Variants in DNAAF8 observed in about 807,000 individuals in gnomAD.
DNAAF8 encodes the protein dynein axonemal assembly factor 8.
In DNAAF8, 61 loss-of-function variants were observed where a neutral mutation model predicts 54.6. The observed-to-expected ratio is 1.12, with a 90% confidence interval of 0.91 to 1.38. The LOEUF (loss-of-function observed/expected upper bound fraction) is 1.38. Ranked by LOEUF, DNAAF8 falls within the 40% of genes most tolerant of loss-of-function variation. The pLI, the probability that DNAAF8 is intolerant of heterozygous loss-of-function variation, is 0.00. For synonymous variants in DNAAF8, 320 were observed against 270.1 expected, an observed-to-expected ratio of 1.18 and a Z score of -1.81; for missense variants, 837 against 665.0, an observed-to-expected ratio of 1.26 and a Z score of -2.85.
At chr16:4,736,747 G>A in intron 2 of DNAAF8, 104 bp downstream of exon 2, 1 of 1,223,310 alleles carries the variant, frequency 8.2e-7, no homozygotes, top group Non-Finnish European at 1.1e-6. Context: ...TTTTCCTGCT[G>A]ACCTGTGCAG....
At chr16:4,748,098 G>A (rs1486431900) in intron 9 of DNAAF8, 1 of 154,668 alleles carries the variant, frequency 6.5e-6, no homozygotes, top group East Asian at 1.9e-4. Context: ...TGCTATTTTG[G>A]GCACCTAAAT....
intron 4 of DNAAF8, among the ~76,000 whole-genome samples, chr16:4,741,233 CAAAA>C (rs756159698): frequency 0.084 from 5,918 of 70,774 alleles, 352 homozygotes; most frequent in African/African-American, 0.25. Context: ...GACTCCATCT[CAAAA>C]AAAAAAAAAA....
In DNAAF8 at chr16:4,747,436, G is replaced by A. The variant is rs151153820; in HGVS notation, c.1374G>A (p.Ala458=). 436 of 1,613,080 alleles carry A rather than the reference G, an allele frequency of 2.7e-4. 1 individual carries two copies. The highest frequency in any genetic ancestry group is 1.2e-3 in the Admixed American group (74 of 60,026). Residue 458 remains alanine, a synonymous_variant, in exon 9 of 10, where the codon GCG becomes GCA. Coordinates refer to ENST00000299320, the MANE Select transcript of DNAAF8 (RefSeq NM_139170.3). ...AGCTGCCTGCCAGCAAGGGGCCCGC[G>A]GGTGGGAGGGCTCAGGCCCCTGAAG... ...QPELPASKGP[A]GGRAQAPEDT...
chr16:4,746,512 G>C lies in DNAAF8; in HGVS notation c.1181G>C (p.Ser394Thr). Reference protein sequence around the residue: ...MELPDHLSPESSSHSSSDSEE... With the variant: ...MELPDHLSPETSSHSSSDSEE... ...CTACCAGACCACCTGTCCCCAGAAA[G>C]GTCCGGAGGGCAGTGACTACCCCAT... Residue 394 changes from serine to threonine, a missense_variant and splice_region_variant, in exon 7 of 10, where the codon AGC (serine) becomes ACC (threonine). Coordinates refer to ENST00000299320, the MANE Select transcript of DNAAF8 (RefSeq NM_139170.3). 1 of 1,612,916 alleles carries C rather than the reference G, an allele frequency of 6.2e-7. No homozygotes were observed. The highest frequency in any genetic ancestry group is 2.2e-5 in the East Asian group (1 of 44,890).
rs148678041 is a variant in DNAAF8, at chr16:4,747,410, G to C, written c.1348G>C (p.Glu450Gln). 31 of 1,612,678 alleles carry C rather than the reference G, an allele frequency of 1.9e-5. No individual in the cohort carries two copies. The African/African-American group carries it at 3.9e-4, about 20-fold the overall frequency. ...RAFQKGTAQP[E>Q]LPASKGPAGG... ...CTTTCAGAAGGGGACAGCCCAGCCC[G>C]AGCTGCCTGCCAGCAAGGGGCCCGC... Residue 450 changes from glutamate (E) to glutamine (Q), a missense_variant, in exon 9 of 10, where the codon GAG becomes CAG. By Grantham distance (29) the Glu-to-Gln change is conservative. Transcript: ENST00000299320.
chr16:4,736,663 C>G lies in DNAAF8; in HGVS notation c.129+20C>G. ...CCTTTGGTAAGCAAGAACTCTCTCC[C>G]TGGATGCCTTGTCCTTCCTACCAGA... On this transcript the variant is annotated intron_variant, in intron 2 of 9. Coordinates refer to ENST00000299320, the MANE Select transcript of DNAAF8 (RefSeq NM_139170.3). 1 of 1,539,436 alleles carries G rather than the reference C, an allele frequency of 6.5e-7. No homozygotes were observed. Among genetic ancestry groups the G allele is most frequent in the Non-Finnish European group, 8.8e-7 (1 of 1,139,538 alleles).
Position 4,736,454 on chromosome 16 carries a change from T to G in DNAAF8, c.-51-10T>G. 2 of 1,417,802 alleles carry G rather than the reference T, an allele frequency of 1.4e-6. No individual in the cohort carries two copies. Among genetic ancestry groups the G allele is most frequent in the Non-Finnish European group, 1.9e-6 (2 of 1,071,862 alleles). 87.8% of individuals were successfully genotyped at this position (1,417,802 alleles called of 1,614,324 possible). A position where few individuals can be genotyped will look rare whatever the true frequency, so the allele number is the denominator to read the frequency against. ...CCGGACCCTCTTCCATCACCCTGTGTACCCCACAGAGCTCCCCGGATTATG... is the reference window on the plus strand; with the variant it reads ...CCGGACCCTCTTCCATCACCCTGTGGACCCCACAGAGCTCCCCGGATTATG... On this transcript the variant is annotated splice_polypyrimidine_tract_variant and intron_variant, in intron 1 of 9. Transcript: ENST00000299320.
intron 4 of DNAAF8, among the ~76,000 whole-genome samples, chr16:4,741,048 C>T (rs1386899548): frequency 7.4e-6 from 1 of 135,476 alleles, no homozygotes; most frequent in Non-Finnish European, 1.6e-5. Context: ...ACGGTGAAAC[C>T]CCATCTCTAC....
chr16:4,745,485 G>C (rs1025732795), intron 6 of DNAAF8, among the ~76,000 whole-genome samples: 3 of 152,350 alleles, frequency 2.0e-5, no homozygotes, highest in African/African-American at 7.2e-5. Context: ...CAGTGAAGCT[G>C]GGAGAGGCAG....
chr16:4,746,725 T>C (rs1422489305), intron 7 of DNAAF8: 4 of 788,248 alleles, frequency 5.1e-6, no homozygotes, highest in African/African-American at 1.8e-5. Context: ...CTGGGCTCTA[T>C]GCAATAGAGC....
In DNAAF8 at chr16:4,743,173, A is replaced by C. The variant is rs1030740814; in HGVS notation, c.901+13A>C. ...CGCCAAGTTCAAGGTCTGACCTTGAACACTGGAGCCCACGTGAATCCCCAC... is the reference window on the plus strand; with the variant it reads ...CGCCAAGTTCAAGGTCTGACCTTGACCACTGGAGCCCACGTGAATCCCCAC... On this transcript the variant is annotated intron_variant, in intron 5 of 9. Coordinates refer to ENST00000299320, the MANE Select transcript of DNAAF8 (RefSeq NM_139170.3). 1.2e-5 allele frequency: 18 copies of C among 1,543,708 alleles called. No individual in the cohort carries two copies. Among genetic ancestry groups the C allele is most frequent in the Non-Finnish European group, 1.5e-5 (17 of 1,128,872 alleles).
chr16:4,745,966 AAAAG>A (rs1447060766), intron 6 of DNAAF8, among the ~76,000 whole-genome samples: 1 of 151,598 alleles, frequency 6.6e-6, no homozygotes, highest in Admixed American at 6.6e-5. Context: ...AAAAAAAAAA[AAAAG>A]AAAAAGAAAA....
At chr16:4,744,073 G>C (rs993295414) in intron 5 of DNAAF8, among the ~76,000 whole-genome samples, 1 of 151,932 alleles carries the variant, frequency 6.6e-6, no homozygotes, top group Non-Finnish European at 1.5e-5. Flanking sequence ...GGGATTACAG[G>C]CACGTGCCAC....
At chr16:4,742,906 C>A (rs2081972514) in intron 4 of DNAAF8, 137 bp from the exon 5 acceptor site, 1 of 751,480 alleles carries the variant, frequency 1.3e-6, no homozygotes, top group African/African-American at 1.8e-5. Flanking sequence ...TTTGCAAACT[C>A]TGTCATGCAC....
intron 4 of DNAAF8, among the ~76,000 whole-genome samples, chr16:4,742,056 G>A (rs1054545771): frequency 1.3e-5 from 2 of 152,170 alleles, no homozygotes; most frequent in African/African-American, 4.8e-5. Flanking sequence ...TTAGAGGGCT[G>A]CAAAGAGTTG....
intron 2 of DNAAF8, 107 bp from the exon 3 acceptor site, chr16:4,737,675 ACGGGCTGGATGGGCTGGG>A: frequency 4.8e-6 from 6 of 1,238,196 alleles, no homozygotes; most frequent in Non-Finnish European, 6.8e-6. Context: ...GCAGGGCTGG[ACGGGCTGGATGGGCTGGG>A]CGGGCTGGGC....
At position 4,744,866 on chromosome 16, in the gene DNAAF8, TCAGACCG is replaced by T; in HGVS notation, c.902-1_907del. On this transcript the variant is annotated splice_acceptor_variant and splice_polypyrimidine_tract_variant and coding_sequence_variant and intron_variant, in exon 6 of 10. Transcript: ENST00000299320. LOFTEE classifies it high-confidence loss of function. The stretch of plus-strand genomic sequence containing the variant: ...TAATCAGCCTCTCCTTTGGCCATCC[TCAGACCG>T]CATGGTGCCGAGCGCCCACAACAGG... The T allele has an allele frequency of 6.2e-7, 1 of 1,611,194 alleles. No individual in the cohort carries two copies. The highest frequency in any genetic ancestry group is 8.5e-7 in the Non-Finnish European group (1 of 1,178,426).
Position 4,740,465 on chromosome 16 carries a change from C to T in DNAAF8, c.589C>T (p.Arg197Trp), listed in dbSNP as rs765034395. The change falls in exon 4 of 10, where the codon CGG (arginine) becomes TGG (tryptophan). Residue 197 changes from arginine to tryptophan, a missense_variant. Arg to Trp is a moderately radical substitution (Grantham distance 101). Coordinates refer to ENST00000299320, the MANE Select transcript of DNAAF8 (RefSeq NM_139170.3). ...TGCCTCACAAGAATCTGTGAACCGC[C>T]GGGCCCTCCGACAGGAGAGAAGGAA... Reference protein sequence around the residue: ...STASQESVNRRALRQERRKMI... With the variant: ...STASQESVNRWALRQERRKMI... The T allele has an allele frequency of 5.6e-6, 9 of 1,613,906 alleles. No individual in the cohort carries two copies. The highest frequency in any genetic ancestry group is 3.3e-5 in the South Asian group (3 of 91,094).
intron 2 of DNAAF8, among the ~76,000 whole-genome samples, chr16:4,736,882 G>T (rs980187084): frequency 5.3e-5 from 8 of 152,130 alleles, no homozygotes; most frequent in Non-Finnish European, 7.3e-5. Context: ...TTGGTGCTCA[G>T]CATCTTGGGA....
Sources: allele counts gnomAD v4.1 joint callset (sites outside exome capture counted in the v4.1 genomes callset), GRCh38; gene constraint gnomAD v4.1.1; transcripts MANE v1.5; gene names NCBI Gene and HGNC (gene_info 2026-07-23, HGNC 2026-07-21).